Variants in SLC14A2 observed in about 807,000 individuals in gnomAD.
The protein encoded by SLC14A2 is urea transporter 2.
SLC14A2 carries 91 observed loss-of-function variants against 104.6 expected under a neutral mutation model. That is an observed-to-expected ratio of 0.87 (90% CI 0.73 to 1.04). The LOEUF is 1.04. SLC14A2 is among the 50% of genes least tolerant of loss of function. The pLI is 0.00. For missense variants in SLC14A2, 1,189 were observed against 1,156.0 expected (o/e 1.03, Z -0.41); for synonymous variants, 476 against 466.4 (o/e 1.02, Z -0.27).
At chr18:45,681,577 C>T (rs1465145598) in intron 19 of SLC14A2, among the ~76,000 whole-genome samples, 3 of 152,124 alleles carry the variant, frequency 2.0e-5, no homozygotes, top group Non-Finnish European at 4.4e-5. Flanking sequence ...GATTGGAGAG[C>T]CCTTGAGAAG....
At chr18:45,382,671 G>A (rs1172475145) in intron 1 of SLC14A2, among the ~76,000 whole-genome samples, 1 of 152,212 alleles carries the variant, frequency 6.6e-6, no homozygotes, top group Non-Finnish European at 1.5e-5. Flanking sequence ...TGTATCTTAG[G>A]CTGAATCTCT....
intron 4 of SLC14A2, among the ~76,000 whole-genome samples, chr18:45,629,443 C>G (rs992279539): frequency 1.3e-5 from 2 of 152,210 alleles, no homozygotes; most frequent in Non-Finnish European, 2.9e-5. Context: ...CCATGGGCAG[C>G]TGGCACAGAA....
At chr18:45,426,078 G>C (rs1568196490) in intron 1 of SLC14A2, among the ~76,000 whole-genome samples, 1 of 152,096 alleles carries the variant, frequency 6.6e-6, no homozygotes, top group Non-Finnish European at 1.5e-5. Flanking sequence ...TGAAAAGTGA[G>C]CCAACCCAAC....
intron 1 of SLC14A2, among the ~76,000 whole-genome samples, chr18:45,288,748 A>G (rs1329381920): frequency 6.6e-6 from 1 of 152,194 alleles, no homozygotes; most frequent in Non-Finnish European, 1.5e-5. Context: ...GCAAGTGCAG[A>G]CAACCTGCAC....
chr18:45,595,304 A>G (rs935103453), intron 2 of SLC14A2, among the ~76,000 whole-genome samples: 1 of 148,722 alleles, frequency 6.7e-6, no homozygotes, highest in Non-Finnish European at 1.5e-5. Context: ...AATGATAGTT[A>G]ACATTTATTT....
intron 1 of SLC14A2, among the ~76,000 whole-genome samples, chr18:45,391,224 C>T (rs914832016): frequency 6.6e-6 from 1 of 152,150 alleles, no homozygotes; most frequent in Non-Finnish European, 1.5e-5. Context: ...TGGTTTCCAG[C>T]TTCATCCATG....
intron 2 of SLC14A2, among the ~76,000 whole-genome samples, chr18:45,500,680 A>G (rs991176229): frequency 2.0e-5 from 3 of 152,004 alleles, no homozygotes; most frequent in African/African-American, 7.2e-5. Context: ...CATGGTGGTC[A>G]GAACTGTTGC....
chr18:45,668,640 C>A (rs539238987), intron 15 of SLC14A2, among the ~76,000 whole-genome samples, 163 bp downstream of exon 15: 4 of 152,334 alleles, frequency 2.6e-5, no homozygotes, highest in African/African-American at 7.2e-5. Context: ...ACCATGGTAG[C>A]CCCATGCTAG....
At position 45,272,433 on chromosome 18, in the gene SLC14A2, A is replaced by AC. The variant is rs1359219444; in HGVS notation, c.-125+59242_-125+59243insC. ...AATATATTCCATCCATGTTGTTGCAAATGTTGCAACAACATTTTACTATGT... is the reference window on the plus strand; with the variant it reads ...AATATATTCCATCCATGTTGTTGCAACATGTTGCAACAACATTTTACTATGT... On this transcript the variant is annotated intron_variant, in intron 1 of 20. Coordinates refer to the SLC14A2 transcript ENST00000586448. 5.9e-5 allele frequency among the ~76,000 whole-genome samples: 9 copies of AC among 152,104 alleles called. No individual in the cohort carries two copies. The East Asian group carries it at 1.7e-3, about 29-fold the overall frequency.
chr18:45,664,195 G>T (rs903146100), intron 11 of SLC14A2, among the ~76,000 whole-genome samples: 2 of 152,196 alleles, frequency 1.3e-5, no homozygotes, highest in African/African-American at 4.8e-5. Flanking sequence ...TAATTCATCT[G>T]CAGAGCAGCC....
chr18:45,414,651 T>C (rs1256381494), intron 1 of SLC14A2, among the ~76,000 whole-genome samples: 1 of 150,700 alleles, frequency 6.6e-6, no homozygotes, highest in Non-Finnish European at 1.5e-5. Flanking sequence ...AGAGGAAAGT[T>C]AGTCTTCTTT....
At chr18:45,228,552 C>T (rs1009106932) in intron 1 of SLC14A2, among the ~76,000 whole-genome samples, 2 of 152,096 alleles carry the variant, frequency 1.3e-5, no homozygotes, top group Non-Finnish European at 2.9e-5. Context: ...GGACACAGGT[C>T]CTCAGTATCC....
chr18:45,318,383 C>T (rs1359527441), intron 1 of SLC14A2, among the ~76,000 whole-genome samples: 2 of 152,184 alleles, frequency 1.3e-5, no homozygotes, highest in Admixed American at 6.5e-5. Context: ...GAGGAACAAG[C>T]TTCTGCTGAG....
chr18:45,174,271 G>T, the SLC14A2 span, among the ~76,000 whole-genome samples: 1 of 152,098 alleles, frequency 6.6e-6, no homozygotes. Context: ...CCTTCCCCCA[G>T]TGATGACAGA....
intron 6 of SLC14A2, among the ~76,000 whole-genome samples, chr18:45,638,724 C>A (rs1230194995): frequency 6.6e-6 from 1 of 152,202 alleles, no homozygotes. Flanking sequence ...GCCCTGTCCT[C>A]ACAGAGGTCA....
At chr18:45,590,544 G>C (rs922464556) in intron 2 of SLC14A2, among the ~76,000 whole-genome samples, 2 of 152,176 alleles carry the variant, frequency 1.3e-5, no homozygotes, top group Non-Finnish European at 2.9e-5. Context: ...AGGAGCTCAC[G>C]TGTGTGTACA....
At chr18:45,502,835 A>G (rs1242592872) in intron 2 of SLC14A2, among the ~76,000 whole-genome samples, 1 of 151,932 alleles carries the variant, frequency 6.6e-6, no homozygotes, top group African/African-American at 2.4e-5. Flanking sequence ...CAGACCCAGG[A>G]TCCTGGATTT....
intron 1 of SLC14A2, among the ~76,000 whole-genome samples, chr18:45,364,292 A>G (rs2085645075): frequency 6.6e-6 from 1 of 152,232 alleles, no homozygotes; most frequent in Admixed American, 6.5e-5. Flanking sequence ...CATTATTTGA[A>G]TAGAAAAATG....
chr18:45,374,970 T>A (rs1310654513), intron 1 of SLC14A2, among the ~76,000 whole-genome samples: 1 of 152,124 alleles, frequency 6.6e-6, no homozygotes, highest in Non-Finnish European at 1.5e-5. Flanking sequence ...CATGCATACT[T>A]GAATAAATAA....
Sources: allele counts gnomAD v4.1 joint callset (sites outside exome capture counted in the v4.1 genomes callset), GRCh38; gene constraint gnomAD v4.1.1; transcripts MANE v1.5; gene names NCBI Gene and HGNC (gene_info 2026-07-23, HGNC 2026-07-21).